The following GPC3 variants were observed in gnomAD, a reference collection of about 807,000 sequenced individuals.
GPC3 encodes glypican 3.
GPC3 carries 3 observed loss-of-function variants against 34.4 expected under a neutral mutation model. The observed-to-expected ratio is 0.09, with a 90% CI of 0.04 to 0.23. The LOEUF (loss-of-function observed/expected upper bound fraction) is 0.23, where lower values mean the gene tolerates loss of function less well. Ranked by LOEUF, GPC3 falls within the 10% of genes least tolerant of loss-of-function variation. GPC3 has a pLI of 1.00. For synonymous variants in GPC3, 177 were observed against 174.0 expected, an observed-to-expected ratio of 1.02 and a Z score of -0.13; for missense variants, 351 against 445.6, an observed-to-expected ratio of 0.79 and a Z score of 1.91.
At chrX:133,839,927 CAAAAAAAAAAA>C (rs138981758) in intron 2 of GPC3, among the ~76,000 whole-genome samples, 2 of 50,089 alleles carry the variant, frequency 4.0e-5, no homozygotes, top group African/African-American at 1.2e-4. Context: ...GACTCCGTTT[CAAAAAAAAAAA>C]AAAAAAAAGA....
intron 2 of GPC3, among the ~76,000 whole-genome samples, chrX:133,833,531 TAC>T (rs1037631624): frequency 1.8e-5 from 2 of 111,286 alleles, no homozygotes; most frequent in Non-Finnish European, 3.8e-5. Context: ...GTGGAAAAGA[TAC>T]AGACAGGGCC....
intron 7 of GPC3, among the ~76,000 whole-genome samples, chrX:133,585,641 C>T (rs2069781216): frequency 9.0e-6 from 1 of 111,690 alleles, no homozygotes; most frequent in South Asian, 3.8e-4. Context: ...TGTTATCCTA[C>T]AGGGACTGCT....
chrX:133,958,973 A>C (rs2076430466), intron 1 of GPC3, among the ~76,000 whole-genome samples: 1 of 112,159 alleles, frequency 8.9e-6, no homozygotes, highest in Non-Finnish European at 1.9e-5. Context: ...ATTTATTACT[A>C]ATTATTTTAA....
At chrX:133,734,604 G>A (rs934694316) in intron 3 of GPC3, among the ~76,000 whole-genome samples, 12 of 107,467 alleles carry the variant, frequency 1.1e-4, no homozygotes, top group African/African-American at 3.7e-4. Context: ...AAGAAGGGAA[G>A]GAAAGAAAAA....
intron 4 of GPC3, among the ~76,000 whole-genome samples, chrX:133,694,246 G>A (rs920582032): frequency 9.0e-6 from 1 of 110,748 alleles, no homozygotes; most frequent in Non-Finnish European, 1.9e-5. Context: ...AAAGGCTTGG[G>A]TCACTGCAAA....
intron 2 of GPC3, among the ~76,000 whole-genome samples, chrX:133,895,925 A>T (rs370896474): frequency 8.9e-5 from 10 of 111,742 alleles, no homozygotes; most frequent in Admixed American, 2.9e-4. Flanking sequence ...CCTCTCCCCA[A>T]ACTTTTCACT....
chrX:133,943,473 T>C (rs1438705266), intron 2 of GPC3, among the ~76,000 whole-genome samples: 1 of 112,615 alleles, frequency 8.9e-6, no homozygotes, highest in East Asian at 2.8e-4. Context: ...AATTCAGCAG[T>C]CTTGGGTCTA....
chrX:133,794,180 T>A (rs1331603948), intron 2 of GPC3, among the ~76,000 whole-genome samples: 1 of 112,243 alleles, frequency 8.9e-6, no homozygotes, highest in East Asian at 2.8e-4. Context: ...TTGCCCTGGA[T>A]TCAGTTCACC....
intron 7 of GPC3, among the ~76,000 whole-genome samples, chrX:133,595,844 T>C (rs1424956612): frequency 8.9e-6 from 1 of 111,753 alleles, no homozygotes; most frequent in East Asian, 2.8e-4. Flanking sequence ...TCTTCAGTCA[T>C]ATGCCATAGC....
In GPC3 at chrX:133,699,913, G is replaced by C; in HGVS notation, c.1148C>G (p.Thr383Ser). 8.3e-7 allele frequency: 1 copy of C among 1,203,002 alleles called. No homozygotes were observed. The highest frequency in any genetic ancestry group is 1.1e-6 in the Non-Finnish European group (1 of 888,912). The change falls in exon 4 of 8, where the codon ACC becomes AGC. Residue 383 changes from threonine to serine, a missense_variant. Thr to Ser is a moderately conservative substitution (Grantham distance 58). Transcript: ENST00000370818. ...CTCTCACCTTCTTCGGCTGGATAAGGTTTCTTCATGTTCTACATGAGCAAC... is the reference window on the plus strand; with the variant it reads ...CTCTCACCTTCTTCGGCTGGATAAGCTTTCTTCATGTTCTACATGAGCAAC... The part of the protein sequence containing the change: ...LKVAHVEHEE[T>S]LSSRRRELIQ...
At chrX:133,797,922 T>A (rs2075590334) in intron 2 of GPC3, among the ~76,000 whole-genome samples, 1 of 110,818 alleles carries the variant, frequency 9.0e-6, no homozygotes, top group Non-Finnish European at 1.9e-5. Context: ...CAATACCCCC[T>A]CCAAAGCTGT....
intron 2 of GPC3, among the ~76,000 whole-genome samples, chrX:133,890,447 G>T (rs1410762017): frequency 9.0e-6 from 1 of 110,984 alleles, no homozygotes; most frequent in Non-Finnish European, 1.9e-5. Context: ...GCCAGGCATG[G>T]TGGTTCATAC....
chrX:133,957,808 C>G (rs182787953), intron 1 of GPC3, among the ~76,000 whole-genome samples: 1 of 111,105 alleles, frequency 9.0e-6, no homozygotes, highest in East Asian at 2.8e-4. Flanking sequence ...AATCGTGAAG[C>G]CCAGCTATCA....
intron 2 of GPC3, among the ~76,000 whole-genome samples, chrX:133,880,200 T>C (rs773324637): frequency 3.6e-5 from 4 of 112,365 alleles, no homozygotes; most frequent in African/African-American, 1.3e-4. Flanking sequence ...AAATTAGATA[T>C]CCTGAAGGAA....
chrX:133,879,182 A>G (rs188734023), intron 2 of GPC3, among the ~76,000 whole-genome samples: 1 of 110,851 alleles, frequency 9.0e-6, no homozygotes, highest in East Asian at 2.8e-4. Flanking sequence ...ATACCAGTAA[A>G]TTATTTACAT....
Position 133,923,223 on chromosome X carries a change from C to T in GPC3, c.337+29827G>A, listed in dbSNP as rs186700040. On this transcript the variant is annotated intron_variant, in intron 2 of 7. Coordinates refer to ENST00000370818, the MANE Select transcript of GPC3 (RefSeq NM_004484.4). ...TTAATCTCCTTTTAGGAAACAAAAT[C>T]GGACCCATTTAGTCAGGGAGAGGAG... Among the ~76,000 whole-genome samples the T allele has an allele frequency of 2.8e-3, 309 of 111,554 alleles. 2 individuals carry two copies. Among genetic ancestry groups the T allele is most frequent in the Admixed American group, 0.011 (114 of 10,466 alleles).
At chrX:133,762,139 G>GA (rs895453335) in intron 2 of GPC3, among the ~76,000 whole-genome samples, 3 of 111,917 alleles carry the variant, frequency 2.7e-5, no homozygotes, top group African/African-American at 6.5e-5. Flanking sequence ...ACCACTTAAA[G>GA]AAAAAATACC....
At chrX:133,650,457 CCACACACA>C (rs537936603) in intron 6 of GPC3, among the ~76,000 whole-genome samples, 1 of 97,689 alleles carries the variant, frequency 1.0e-5, no homozygotes, top group South Asian at 4.9e-4. Context: ...ACACACCCAC[CCACACACA>C]CACACACACA....
At chrX:133,932,593 T>C (rs955451968) in intron 2 of GPC3, among the ~76,000 whole-genome samples, 1 of 111,788 alleles carries the variant, frequency 8.9e-6, no homozygotes, top group African/African-American at 3.3e-5. Context: ...CATTAAATAA[T>C]AATAATTTGA....
Sources: gnomAD v4.1 joint callset for allele counts (sites outside exome capture counted in the v4.1 genomes callset) on GRCh38, gnomAD v4.1.1 for gene constraint, MANE v1.5 for transcripts, NCBI Gene and HGNC (gene_info 2026-07-23, HGNC 2026-07-21) for gene names.